The following PARVG variants were observed in gnomAD, a reference collection of about 807,000 sequenced individuals.
The protein encoded by PARVG is gamma-parvin.
PARVG carries 36 observed loss-of-function variants against 44.4 expected under a neutral mutation model. The observed-to-expected ratio is 0.81, with a 90% confidence interval of 0.62 to 1.07. The LOEUF (loss-of-function observed/expected upper bound fraction) is 1.07, where lower values mean the gene tolerates loss of function less well. Ranked by LOEUF, PARVG falls within the 50% of genes least tolerant of loss-of-function variation. PARVG has a pLI of 0.00. For missense variants in PARVG, 407 were observed against 407.4 expected, an observed-to-expected ratio of 1.00 and a Z score of 0.01; for synonymous variants, 170 against 174.1, an observed-to-expected ratio of 0.98 and a Z score of 0.19.
In PARVG at chr22:44,192,046, T is replaced by C. The variant is rs746487249; in HGVS notation, c.505-3T>C. The C allele has an allele frequency of 6.2e-7, 1 of 1,613,592 alleles. No homozygotes were observed. The highest frequency in any genetic ancestry group is 1.1e-5 in the South Asian group (1 of 91,076). On this transcript the variant is annotated splice_polypyrimidine_tract_variant and splice_region_variant and intron_variant, in intron 7 of 13. Transcript: ENST00000444313. ...TAATTTCTTCCCCCTTTATTTTTCT[T>C]AGAGCACCAAAAGTGGTCTGAAGTC... is the stretch of plus-strand genomic sequence containing the variant.
chr22:44,202,830 G>A (rs575663465), intron 12 of PARVG, among the ~76,000 whole-genome samples: 101 of 152,300 alleles, frequency 6.6e-4, no homozygotes, highest in African/African-American at 2.3e-3. Flanking sequence ...TTGTGGGCAC[G>A]GAAGTTAAGG....
intron 3 of PARVG, chr22:44,184,448 C>T (rs2054433278): frequency 6.6e-6 from 1 of 152,218 alleles, no homozygotes; most frequent in Admixed American, 6.5e-5. Flanking sequence ...AAGAGATTCT[C>T]CTGCCTCAGC....
intron 3 of PARVG, 139 bp from the exon 4 acceptor site, chr22:44,185,669 G>A (rs6006693): frequency 0.12 from 76,562 of 648,754 alleles, 6,425 homozygotes; most frequent in East Asian, 0.36. Flanking sequence ...AGGGAAATGA[G>A]GGAAAGCACG....
chr22:44,177,908 T>G (rs1291973916), upstream of PARVG, among the ~76,000 whole-genome samples: 3 of 152,194 alleles, frequency 2.0e-5, no homozygotes, highest in African/African-American at 7.2e-5. Flanking sequence ...TTATCAAATT[T>G]GTACACTAAA....
At chr22:44,194,219 G>A (rs1214273301) in intron 9 of PARVG, among the ~76,000 whole-genome samples, 2 of 152,154 alleles carry the variant, frequency 1.3e-5, no homozygotes, top group South Asian at 4.1e-4. Context: ...CTTTTAAACT[G>A]GCAGTGAGGG....
intron 3 of PARVG, chr22:44,183,864 C>G: frequency 2.6e-6 from 1 of 379,336 alleles, no homozygotes. Context: ...ACTGAGGTTC[C>G]ACACGGACCA....
At chr22:44,181,660 G>A (rs1050557402) in intron 1 of PARVG, 82 bp from the exon 2 acceptor site, 12 of 965,250 alleles carry the variant, frequency 1.2e-5, no homozygotes, top group African/African-American at 1.8e-5. Flanking sequence ...CACGGCGGGC[G>A]CTGGGGCTCC....
intron 12 of PARVG, among the ~76,000 whole-genome samples, chr22:44,202,042 A>G (rs892009024): frequency 3.9e-5 from 6 of 152,344 alleles, no homozygotes; most frequent in African/African-American, 1.4e-4. Context: ...GGGATCTCCC[A>G]CGGGCAGTGT....
At chr22:44,205,087 G>A (rs1186999172) in intron 12 of PARVG, among the ~76,000 whole-genome samples, 2 of 152,130 alleles carry the variant, frequency 1.3e-5, no homozygotes, top group African/African-American at 2.4e-5. Flanking sequence ...ACTGATGCCC[G>A]GGCGCTCTCC....
chr22:44,206,084 T>C (rs2054776928), intron 13 of PARVG, among the ~76,000 whole-genome samples: 1 of 151,776 alleles, frequency 6.6e-6, no homozygotes, highest in Non-Finnish European at 1.5e-5. Context: ...CCTTGAGGAG[T>C]TGCTGTGTTG....
At chr22:44,197,149 G>A (rs1166170590) in intron 11 of PARVG, among the ~76,000 whole-genome samples, 1 of 152,140 alleles carries the variant, frequency 6.6e-6, no homozygotes, top group Non-Finnish European at 1.5e-5. Flanking sequence ...GAGGGAGTCT[G>A]GTCCCAGATG....
At chr22:44,185,679 G>A (rs1014370435) in intron 3 of PARVG, 129 bp from the exon 4 acceptor site, 21 of 694,360 alleles carry the variant, frequency 3.0e-5, no homozygotes, top group Admixed American at 9.5e-5. Context: ...GGGAAAGCAC[G>A]CTGGGGCGGA....
chr22:44,174,393 T>C (rs988563417), intron 1 of PARVG, among the ~76,000 whole-genome samples: 17 of 152,138 alleles, frequency 1.1e-4, no homozygotes, highest in Admixed American at 7.2e-4. Flanking sequence ...CTTTAATTCT[T>C]TGTCTATTAT....
chr22:44,185,636 C>CT (rs1184913963), intron 3 of PARVG, 172 bp from the exon 4 acceptor site: 3 of 585,208 alleles, frequency 5.1e-6, no homozygotes, highest in Non-Finnish European at 9.3e-6. Flanking sequence ...GCTGCAGTGT[C>CT]TGAGGATGAG....
upstream of PARVG, chr22:44,180,869 C>T (rs1050309466): frequency 1.0e-6 from 1 of 978,760 alleles, no homozygotes; most frequent in Non-Finnish European, 1.2e-6. Flanking sequence ...TAGATAGCTT[C>T]CCAGTCACCT....
intron 12 of PARVG, among the ~76,000 whole-genome samples, chr22:44,199,524 T>C (rs1342231542): frequency 2.6e-5 from 4 of 152,212 alleles, no homozygotes; most frequent in African/African-American, 9.6e-5. Flanking sequence ...GTTAAGTTGA[T>C]CCAACATAGC....
chr22:44,203,361 A>T (rs917557531), intron 12 of PARVG, among the ~76,000 whole-genome samples: 3 of 152,344 alleles, frequency 2.0e-5, no homozygotes, highest in South Asian at 2.1e-4. Context: ...AAACATGTCT[A>T]GTCTTGAAGG....
At chr22:44,192,376 G>A (rs1449990857) in intron 8 of PARVG, among the ~76,000 whole-genome samples, 1 of 152,210 alleles carries the variant, frequency 6.6e-6, no homozygotes, top group Admixed American at 6.5e-5. Flanking sequence ...GGGGTACAGG[G>A]CCCAGTGAAT....
In PARVG at chr22:44,191,388, A is replaced by ATTTTTTTT. The variant is rs35954868; in HGVS notation, c.505-641_505-634dup. 3.0e-4 allele frequency among the ~76,000 whole-genome samples: 19 copies of ATTTTTTTT among 63,468 alleles called. 2 individuals are homozygous for ATTTTTTTT. The highest frequency in any genetic ancestry group is 3.7e-4 in the Non-Finnish European group (13 of 35,116). 41.6% of individuals were successfully genotyped at this position (63,468 alleles called of 152,430 possible). ...GCCACACCCAGTCAGAGTCATTTCT[A>ATTTTTTTT]TTTTTTTTTTTTTTTTTTTTTTTTT... On this transcript the variant is annotated intron_variant, in intron 7 of 13. Coordinates refer to ENST00000444313, the MANE Select transcript of PARVG (RefSeq NM_022141.7).
Sources: allele counts gnomAD v4.1 joint callset (sites outside exome capture counted in the v4.1 genomes callset), GRCh38; gene constraint gnomAD v4.1.1; transcripts MANE v1.5; gene names NCBI Gene and HGNC (gene_info 2026-07-23, HGNC 2026-07-21).